MOB3A: variants seen among roughly 807,000 people sequenced by gnomAD.
MOB3A encodes MOB kinase activator 3A.
Under a neutral mutation model 17.8 loss-of-function variants are expected in MOB3A, and 17 were observed. The ratio of observed to expected loss-of-function variants is 0.95; its 90% confidence interval spans 0.65 to 1.43. MOB3A has a LOEUF of 1.43. Among genes scored for constraint, MOB3A ranks in the 40% most tolerant of loss-of-function variants. The pLI is 0.00. For synonymous variants in MOB3A, 124 were observed against 133.2 expected (o/e 0.93, Z 0.48); for missense variants, 333 against 310.8 (o/e 1.07, Z -0.54).
In MOB3A at chr19:2,082,448, C is replaced by G. The variant is rs2017500792; in HGVS notation, c.-120+2727G>C. On this transcript the variant is annotated intron_variant, in intron 2 of 4. Transcript: ENST00000357066. This position sits in a 1 kb window ranked among gnomAD's most constrained non-coding sequence, Gnocchi z 4.1. ...GATCGCCCTGGGTGAGATCGTGGCT[C>G]AGATGATTATGACTGATTCTACAGC... 6.6e-6 allele frequency among the ~76,000 whole-genome samples: 1 copy of G among 152,188 alleles called. No homozygotes were observed. Among genetic ancestry groups the G allele is most frequent in the African/African-American group, 2.4e-5 (1 of 41,458 alleles).
In MOB3A at chr19:2,082,741, G is replaced by C. The variant is rs1051613524; in HGVS notation, c.-120+2434C>G. Among the ~76,000 whole-genome samples, 2 of 152,136 alleles carry C rather than the reference G, an allele frequency of 1.3e-5. No homozygotes were observed. The highest frequency in any genetic ancestry group is 2.9e-5 in the Non-Finnish European group (2 of 68,016). On this transcript the variant is annotated intron_variant, in intron 2 of 4. Coordinates refer to ENST00000357066, the MANE Select transcript of MOB3A (RefSeq NM_130807.3). The surrounding 1 kb of genome is among the most constrained non-coding windows in gnomAD (Gnocchi z 4.1). Reference sequence around the variant, plus strand: ...AGCCACGTGGATGCTCCAAGTCCAGGGACTGCTGACCCATCTTGGTTTTGC... The same window carrying C: ...AGCCACGTGGATGCTCCAAGTCCAGCGACTGCTGACCCATCTTGGTTTTGC...
intron 1 of MOB3A, chr19:2,095,205 C>T (rs190424041): frequency 1.4e-5 from 2 of 147,368 alleles, no homozygotes; most frequent in African/African-American, 2.6e-5. Flanking sequence ...AACAAACAAA[C>T]AAAAAAACAG....
intron 4 of MOB3A, among the ~76,000 whole-genome samples, chr19:2,076,120 C>T (rs1040989564): frequency 9.2e-6 from 1 of 108,640 alleles, no homozygotes; most frequent in African/African-American, 3.5e-5. Flanking sequence ...CAGACTCCAT[C>T]TCCAAAAAAA....
At chr19:2,087,119 G>A (rs2017562751) in intron 1 of MOB3A, among the ~76,000 whole-genome samples, 2 of 152,240 alleles carry the variant, frequency 1.3e-5, no homozygotes, top group Admixed American at 1.3e-4. Flanking sequence ...TGGGAAAGCA[G>A]ACAGGCAGGA....
At chr19:2,084,452 G>A (rs551401822) in intron 2 of MOB3A, among the ~76,000 whole-genome samples, 2 of 151,830 alleles carry the variant, frequency 1.3e-5, no homozygotes, top group African/African-American at 4.8e-5. Context: ...CTGAGATCAC[G>A]CCACTGCACT....
intron 1 of MOB3A, among the ~76,000 whole-genome samples, chr19:2,091,087 G>A (rs942662184): frequency 6.6e-6 from 1 of 152,230 alleles, no homozygotes; most frequent in African/African-American, 2.4e-5. Context: ...GGAAACCTCC[G>A]TGAAACTGAC....
Position 2,094,000 on chromosome 19 carries a change from C to G in MOB3A, c.-274+2226G>C, listed in dbSNP as rs187574660. Among the ~76,000 whole-genome samples, 3 of 151,022 alleles carry G rather than the reference C, an allele frequency of 2.0e-5. No homozygotes were observed. Among genetic ancestry groups the G allele is most frequent in the African/African-American group, 4.9e-5 (2 of 41,022 alleles). Reference sequence around the variant, plus strand: ...CTGCAACTCTGCAACTCTGACAGCCCGGGGGGCTCATCCAGCCCTCCTTCC... The same window carrying G: ...CTGCAACTCTGCAACTCTGACAGCCGGGGGGGCTCATCCAGCCCTCCTTCC... On this transcript the variant is annotated intron_variant, in intron 1 of 4. Coordinates refer to ENST00000357066, the MANE Select transcript of MOB3A (RefSeq NM_130807.3). This position sits in a 1 kb window ranked among gnomAD's most constrained non-coding sequence, Gnocchi z 4.6.
At chr19:2,090,898 G>A (rs546848152) in intron 1 of MOB3A, among the ~76,000 whole-genome samples, 3 of 152,316 alleles carry the variant, frequency 2.0e-5, no homozygotes, top group Non-Finnish European at 2.9e-5. Context: ...TCCTGACCTC[G>A]TGATCCGCCC....
At chr19:2,088,750 G>A (rs1159493485) in intron 1 of MOB3A, among the ~76,000 whole-genome samples, 3 of 152,114 alleles carry the variant, frequency 2.0e-5, no homozygotes, top group African/African-American at 4.8e-5. Context: ...TTACAGGCAT[G>A]AGCCACCACA....
chr19:2,080,767 A>G (rs2017477764), intron 2 of MOB3A, among the ~76,000 whole-genome samples: 1 of 152,080 alleles, frequency 6.6e-6, no homozygotes, highest in Admixed American at 6.6e-5. Context: ...ATCACAAATC[A>G]CCACAAATTT....
At chr19:2,084,788 A>G (rs1395243507) in intron 2 of MOB3A, among the ~76,000 whole-genome samples, 1 of 151,774 alleles carries the variant, frequency 6.6e-6, no homozygotes, top group Non-Finnish European at 1.5e-5. Context: ...ATGGCGTTTC[A>G]CCATGCTGGC....
intron 1 of MOB3A, among the ~76,000 whole-genome samples, chr19:2,094,937 G>A (rs1445354767): frequency 6.6e-6 from 1 of 152,244 alleles, no homozygotes; most frequent in African/African-American, 2.4e-5. Flanking sequence ...TTGGGAGGCC[G>A]AGGCGGGCGG....
chr19:2,095,784 G>C (rs1410299978), intron 1 of MOB3A, among the ~76,000 whole-genome samples: 1 of 148,862 alleles, frequency 6.7e-6, no homozygotes, highest in Non-Finnish European at 1.5e-5. Flanking sequence ...CGCTCTGGTT[G>C]CCCAGGCTGG....
intron 2 of MOB3A, among the ~76,000 whole-genome samples, chr19:2,081,191 C>T (rs2144924378): frequency 6.6e-6 from 1 of 152,236 alleles, no homozygotes; most frequent in East Asian, 1.9e-4. Context: ...TTAGGGTACC[C>T]CCCAACAGTC....
chr19:2,086,125 C>G (rs2017550777), intron 1 of MOB3A, among the ~76,000 whole-genome samples: 1 of 151,588 alleles, frequency 6.6e-6, no homozygotes, highest in African/African-American at 2.4e-5. Flanking sequence ...ACTACAACCT[C>G]TGTCTCCCAG....
chr19:2,079,159 G>A (rs750982304), intron 2 of MOB3A, among the ~76,000 whole-genome samples: 3 of 152,372 alleles, frequency 2.0e-5, no homozygotes, highest in East Asian at 1.9e-4. Flanking sequence ...AGGCCTGACC[G>A]ATTCACAGCA....
At chr19:2,083,857 G>C (rs2017519907) in intron 2 of MOB3A, among the ~76,000 whole-genome samples, 1 of 152,224 alleles carries the variant, frequency 6.6e-6, no homozygotes, top group Non-Finnish European at 1.5e-5. Flanking sequence ...GCCCTGGGCT[G>C]ACTGCAGCCA....
At chr19:2,080,686 T>C (rs2017476648) in intron 2 of MOB3A, among the ~76,000 whole-genome samples, 1 of 152,160 alleles carries the variant, frequency 6.6e-6, no homozygotes, top group Non-Finnish European at 1.5e-5. Flanking sequence ...GTGTTGCTGT[T>C]GCTTGTGACG....
Position 2,090,185 on chromosome 19 carries a change from C to G in MOB3A, c.-273-4857G>C, listed in dbSNP as rs1252627807. 3 of 152,310 alleles carry G rather than the reference C, an allele frequency of 2.0e-5. No homozygotes were observed. The East Asian group carries it at 5.8e-4, about 29-fold the overall frequency. The allele number at this position is 152,310 out of a possible 1,614,324, so 9.4% of individuals were successfully genotyped here. ...AGAGCTGGCATGGTGACTCAGGCTG[C>G]CTTGGTTCTCCAGGGCACGTAGGGT... On this transcript the variant is annotated intron_variant, in intron 1 of 4. Coordinates refer to ENST00000357066, the MANE Select transcript of MOB3A (RefSeq NM_130807.3).
Sources: gnomAD v4.1 joint callset for allele counts (sites outside exome capture counted in the v4.1 genomes callset) on GRCh38, gnomAD v4.1.1 for gene constraint, Gnocchi (gnomAD v3.1) non-coding constraint, MANE v1.5 for transcripts, NCBI Gene and HGNC (gene_info 2026-07-23, HGNC 2026-07-21) for gene names.